The following CDH13 variants were observed in gnomAD, a reference collection of about 807,000 sequenced individuals.
The protein encoded by CDH13 is cadherin 13.
CDH13 carries 24 observed loss-of-function variants against 63.8 expected under a neutral mutation model. The observed-to-expected ratio is 0.38, with a 90% CI of 0.27 to 0.53. CDH13 has a LOEUF of 0.53. Among genes scored for constraint, CDH13 ranks in the 20% least tolerant of loss-of-function variants. The probability of loss-of-function intolerance (pLI) is 0.85; values close to 1 mark genes in which losing one functional copy is unlikely to be tolerated. For missense variants in CDH13, 1,049 were observed against 903.1 expected, an observed-to-expected ratio of 1.16 and a Z score of -2.07; for synonymous variants, 503 against 355.3, an observed-to-expected ratio of 1.42 and a Z score of -4.67.
chr16:82,844,954 C>T (rs995904612), intron 1 of CDH13, among the ~76,000 whole-genome samples: 1 of 151,966 alleles, frequency 6.6e-6, no homozygotes, highest in Admixed American at 6.6e-5. Flanking sequence ...CGCACCTGGC[C>T]AATAAAGTAT....
chr16:83,303,972 A>T (rs1371371268), intron 5 of CDH13, among the ~76,000 whole-genome samples: 3 of 152,138 alleles, frequency 2.0e-5, no homozygotes, highest in Admixed American at 2.0e-4. Context: ...ATCTGATAGG[A>T]TGAATTGGGC....
intron 2 of CDH13, among the ~76,000 whole-genome samples, chr16:82,991,722 G>C (rs921036727): frequency 6.6e-6 from 1 of 152,146 alleles, no homozygotes; most frequent in South Asian, 2.1e-4. Context: ...AAACTCAAAG[G>C]ACTCCTGATT....
intron 2 of CDH13, among the ~76,000 whole-genome samples, chr16:82,984,373 T>C (rs967074245): frequency 3.3e-5 from 5 of 152,212 alleles, no homozygotes; most frequent in African/African-American, 9.7e-5. Context: ...TTTAAGACAA[T>C]GTACCTCCGA....
intron 1 of CDH13, among the ~76,000 whole-genome samples, chr16:82,673,976 G>A (rs1913598155): frequency 6.6e-6 from 1 of 152,206 alleles, no homozygotes; most frequent in African/African-American, 2.4e-5. Context: ...TGGAACAAAA[G>A]TGTTCTTTCT....
intron 3 of CDH13, among the ~76,000 whole-genome samples, chr16:83,052,741 C>T (rs985713893): frequency 8.0e-6 from 1 of 125,484 alleles, no homozygotes; most frequent in Non-Finnish European, 1.6e-5. Flanking sequence ...CGCACCATTG[C>T]ACTCCAGCCT....
intron 7 of CDH13, among the ~76,000 whole-genome samples, chr16:83,544,080 G>C (rs939984503): frequency 3.9e-5 from 6 of 152,080 alleles, no homozygotes; most frequent in Non-Finnish European, 5.9e-5. Flanking sequence ...TACTAGGTGG[G>C]GTGCTCTGTG....
chr16:83,226,697 G>A (rs951383384), intron 5 of CDH13, among the ~76,000 whole-genome samples: 2 of 152,182 alleles, frequency 1.3e-5, no homozygotes, highest in African/African-American at 4.8e-5. Flanking sequence ...AAGAGCCTTA[G>A]ACCCATTTTG....
chr16:82,952,716 A>C (rs1905469380), intron 2 of CDH13, among the ~76,000 whole-genome samples: 1 of 152,188 alleles, frequency 6.6e-6, no homozygotes, highest in Non-Finnish European at 1.5e-5. Context: ...CTGGTGGGCC[A>C]ACTGCAGCCC....
chr16:83,529,895 C>A (rs536186144), intron 7 of CDH13, among the ~76,000 whole-genome samples: 19 of 152,116 alleles, frequency 1.2e-4, no homozygotes, highest in Non-Finnish European at 1.8e-4. Context: ...AATAAAATAA[C>A]GTTATTAAAA....
At chr16:83,777,947 T>G (rs1915234989) in intron 11 of CDH13, among the ~76,000 whole-genome samples, 1 of 152,244 alleles carries the variant, frequency 6.6e-6, no homozygotes, top group Non-Finnish European at 1.5e-5. Context: ...TAAGAACAGA[T>G]CTGTACTTCA....
chr16:82,688,357 C>A lies in CDH13; in HGVS notation c.45+61220C>A, dbSNP rs187862787. Among the ~76,000 whole-genome samples, 617 of 152,280 alleles carry A rather than the reference C, an allele frequency of 4.1e-3. 10 individuals are homozygous for A. The highest frequency in any genetic ancestry group is 4.9e-3 in the Non-Finnish European group (336 of 68,018). On this transcript the variant is annotated intron_variant, in intron 1 of 13. Transcript: ENST00000567109. ...CATATGCCTTAGGCTCACTTTTAAACCTCTCTGAGCTTCAGCTTCCTCAGC... is the reference window on the plus strand; with the variant it reads ...CATATGCCTTAGGCTCACTTTTAAAACTCTCTGAGCTTCAGCTTCCTCAGC...
chr16:82,803,243 C>A (rs1155005), intron 1 of CDH13, among the ~76,000 whole-genome samples: 1 of 152,020 alleles, frequency 6.6e-6, no homozygotes, highest in Non-Finnish European at 1.5e-5. Flanking sequence ...ACCACAAAGA[C>A]GTGGAGAGGT....
intron 4 of CDH13, among the ~76,000 whole-genome samples, chr16:83,185,531 C>T (rs1243776730): frequency 1.3e-5 from 2 of 152,156 alleles, no homozygotes; most frequent in East Asian, 1.9e-4. Flanking sequence ...TTAAATTGTG[C>T]AGGTAATTTC....
At chr16:83,253,853 T>G (rs1276273341) in intron 5 of CDH13, among the ~76,000 whole-genome samples, 1 of 152,152 alleles carries the variant, frequency 6.6e-6, no homozygotes, top group Non-Finnish European at 1.5e-5. Flanking sequence ...ATTAGGAAAG[T>G]GGGGGCATTC....
intron 5 of CDH13, among the ~76,000 whole-genome samples, chr16:83,247,496 C>CT (rs5818433): frequency 0.98 from 147,410 of 150,170 alleles, 72,392 homozygotes; most frequent in Middle Eastern, 1. Context: ...GCTGTCACCA[C>CT]TTTTTTTTTA....
At position 83,345,066 on chromosome 16, in the gene CDH13, T is replaced by G. The variant is rs1193160786; in HGVS notation, c.781+60T>G. On this transcript the variant is annotated intron_variant, in intron 6 of 13. Coordinates refer to ENST00000567109, the MANE Select transcript of CDH13 (RefSeq NM_001257.5). Reference sequence around the variant, plus strand: ...TTGGAAAGAGGCACACTTTGATCTTTGTGGATTCTAGGGACTGTCTTATGG... The same window carrying G: ...TTGGAAAGAGGCACACTTTGATCTTGGTGGATTCTAGGGACTGTCTTATGG... The G allele has an allele frequency of 5.7e-6, 9 of 1,576,378 alleles. No homozygotes were observed. In the African/African-American group the frequency reaches 1.2e-4, roughly 21 times the overall value.
At chr16:82,881,951 A>G (rs1006314816) in intron 2 of CDH13, among the ~76,000 whole-genome samples, 1 of 152,050 alleles carries the variant, frequency 6.6e-6, no homozygotes, top group Non-Finnish European at 1.5e-5. Context: ...TGCAGTACTA[A>G]TTCCTGTCTT....
chr16:83,326,486 A>G (rs983762145), intron 5 of CDH13, among the ~76,000 whole-genome samples: 2 of 151,682 alleles, frequency 1.3e-5, no homozygotes, highest in Admixed American at 6.6e-5. Context: ...TGGGAGTACA[A>G]TATTTGTTTA....
chr16:82,818,456 G>T (rs1239772516), intron 1 of CDH13, among the ~76,000 whole-genome samples: 4 of 152,080 alleles, frequency 2.6e-5, no homozygotes, highest in Admixed American at 2.6e-4. Context: ...CAGAAAATAT[G>T]ATTACAACAT....
Sources: gnomAD v4.1 joint callset for allele counts (sites outside exome capture counted in the v4.1 genomes callset) on GRCh38, gnomAD v4.1.1 for gene constraint, MANE v1.5 for transcripts, NCBI Gene and HGNC (gene_info 2026-07-23, HGNC 2026-07-21) for gene names.